SESTD1: variants seen among roughly 807,000 people sequenced by gnomAD.
The protein encoded by SESTD1 is SEC14 domain and spectrin repeat-containing protein 1.
Under a neutral mutation model 101.7 loss-of-function variants are expected in SESTD1, and 43 were observed. The ratio of observed to expected loss-of-function variants is 0.42; its 90% CI spans 0.33 to 0.55. The LOEUF (loss-of-function observed/expected upper bound fraction) is 0.55, where lower values mean the gene tolerates loss of function less well. Among genes scored for constraint, SESTD1 ranks in the 20% least tolerant of loss-of-function variants. The pLI, the probability that SESTD1 is intolerant of heterozygous loss-of-function variation, is 0.07. For missense variants in SESTD1, 647 were observed against 815.1 expected, an observed-to-expected ratio of 0.79 and a Z score of 2.51; for synonymous variants, 283 against 286.8, an observed-to-expected ratio of 0.99 and a Z score of 0.13.
At position 179,105,560 on chromosome 2, in the gene SESTD1, CAT is replaced by C. The variant is rs1315264196; in HGVS notation, c.*4337_*4338del. 2.0e-5 allele frequency: 3 copies of C among 152,026 alleles called. No individual in the cohort carries two copies. The East Asian group carries it at 5.8e-4, about 29-fold the overall frequency. 9.4% of individuals were successfully genotyped at this position (152,026 alleles called of 1,614,324 possible). On this transcript the variant is annotated 3_prime_UTR_variant, in exon 18 of 18. Coordinates refer to ENST00000428443, the MANE Select transcript of SESTD1 (RefSeq NM_178123.5). ...GGAACTAAGGGGGTGGGGCGGCGAA[CAT>C]AGGCAATATGCCATTTCCTCACCAT...
intron 1 of SESTD1, among the ~76,000 whole-genome samples, chr2:179,256,529 G>C (rs1403326065): frequency 6.6e-6 from 1 of 152,076 alleles, no homozygotes; most frequent in Non-Finnish European, 1.5e-5. Context: ...TTTAACAGAT[G>C]GGGCCGGGCA....
chr2:179,248,429 C>G (rs1412818164), intron 1 of SESTD1, among the ~76,000 whole-genome samples: 1 of 152,032 alleles, frequency 6.6e-6, no homozygotes, highest in East Asian at 1.9e-4. Context: ...TAGTATTACC[C>G]TGATGCCAAA....
chr2:179,252,056 T>G (rs769640101), intron 1 of SESTD1, among the ~76,000 whole-genome samples: 13 of 152,198 alleles, frequency 8.5e-5, no homozygotes, highest in Non-Finnish European at 1.6e-4. Flanking sequence ...GAGCAATAAT[T>G]TGCTTAAATG....
At chr2:179,205,595 C>T (rs2046580294) in intron 1 of SESTD1, among the ~76,000 whole-genome samples, 1 of 134,914 alleles carries the variant, frequency 7.4e-6, no homozygotes, top group South Asian at 2.8e-4. Context: ...CTTTATCCAA[C>T]CTTTCCTTTA....
intron 1 of SESTD1, among the ~76,000 whole-genome samples, chr2:179,219,911 C>T (rs1446265061): frequency 1.3e-5 from 2 of 152,026 alleles, no homozygotes; most frequent in African/African-American, 2.4e-5. Context: ...TAAAGTTTCA[C>T]CGAATAATAT....
chr2:179,253,238 A>AC (rs2047344281), intron 1 of SESTD1, among the ~76,000 whole-genome samples: 3 of 152,188 alleles, frequency 2.0e-5, no homozygotes, highest in South Asian at 2.1e-4. Flanking sequence ...AAACAAACAA[A>AC]AAAAAAACAC....
intron 9 of SESTD1, among the ~76,000 whole-genome samples, chr2:179,138,277 CTCTG>C (rs1271127607): frequency 6.6e-5 from 10 of 152,148 alleles, no homozygotes; most frequent in Non-Finnish European, 1.2e-4. Context: ...GCCTTTGCCC[CTCTG>C]TCTTTCTGTC....
At chr2:179,117,388 A>ATTC (rs2044656459) in intron 14 of SESTD1, 144 bp downstream of exon 14, 6 of 613,780 alleles carry the variant, frequency 9.8e-6, no homozygotes, top group Non-Finnish European at 1.6e-5. Flanking sequence ...ACCAAAGTGT[A>ATTC]TTCTTCAACA....
At chr2:179,189,537 T>C (rs904145910) in intron 2 of SESTD1, among the ~76,000 whole-genome samples, 1 of 152,132 alleles carries the variant, frequency 6.6e-6, no homozygotes, top group African/African-American at 2.4e-5. Flanking sequence ...CTCTCACCAC[T>C]TGTATTCAAC....
At chr2:179,116,890 T>C (rs571889970) in intron 14 of SESTD1, 100 bp from the exon 15 acceptor site, 1 of 1,442,038 alleles carries the variant, frequency 6.9e-7, no homozygotes, top group South Asian at 1.4e-5. Context: ...GATTAATAAA[T>C]CCGTTAATTA....
intron 1 of SESTD1, among the ~76,000 whole-genome samples, chr2:179,260,561 C>T (rs2047468824): frequency 6.6e-6 from 1 of 152,070 alleles, no homozygotes; most frequent in Non-Finnish European, 1.5e-5. Flanking sequence ...TCTCTCTCTG[C>T]CCCCACAGTT....
At chr2:179,212,170 G>T (rs2046659544) in intron 1 of SESTD1, among the ~76,000 whole-genome samples, 1 of 134,340 alleles carries the variant, frequency 7.4e-6, no homozygotes, top group Non-Finnish European at 1.6e-5. Context: ...AGCACATGGA[G>T]GGCAAGCCGA....
chr2:179,167,286 A>G (rs951673102), intron 5 of SESTD1, among the ~76,000 whole-genome samples: 2 of 152,190 alleles, frequency 1.3e-5, no homozygotes, highest in Admixed American at 6.5e-5. Context: ...CCAAGGAAAC[A>G]AAGAGTGAAC....
intron 1 of SESTD1, among the ~76,000 whole-genome samples, chr2:179,196,059 C>T (rs2046387140): frequency 6.6e-6 from 1 of 152,088 alleles, no homozygotes; most frequent in Non-Finnish European, 1.5e-5. Flanking sequence ...TTCATCTCAC[C>T]AGGGAAGGCC....
At position 179,103,583 on chromosome 2, in the gene SESTD1, T is replaced by C. The variant is rs1013430678; in HGVS notation, c.*6316A>G. On this transcript the variant is annotated 3_prime_UTR_variant, in exon 18 of 18. Transcript: ENST00000428443. ...AAGAAAACAAACTGTAATATTGTCA[T>C]ACAGTGGAATACTACTCAGCAATAA... 4 of 152,074 alleles carry C rather than the reference T, an allele frequency of 2.6e-5. No homozygotes were observed. The highest frequency in any genetic ancestry group is 5.9e-5 in the Non-Finnish European group (4 of 68,002). The allele number at this position is 152,074 out of a possible 1,614,324, so 9.4% of individuals were successfully genotyped here.
intron 12 of SESTD1, 46 bp from the exon 13 acceptor site, chr2:179,121,975 C>G (rs536810581): frequency 6.5e-7 from 1 of 1,538,372 alleles, no homozygotes; most frequent in Non-Finnish European, 8.7e-7. Flanking sequence ...AACTAAGGCG[C>G]TTTCCCTCCC....
rs776777776 is a variant in SESTD1 at position 179,112,712 on chromosome 2, C to G, written c.1961+12G>C. On this transcript the variant is annotated intron_variant, in intron 17 of 17. Transcript: ENST00000428443. ...CCAATAAAAAATAAAATTATAAGAA[C>G]ATGCCCCATACCCATCAGGATAAAC... 6.3e-7 allele frequency: 1 copy of G among 1,589,324 alleles called. No homozygotes were observed. Among genetic ancestry groups the G allele is most frequent in the East Asian group, 2.2e-5 (1 of 44,584 alleles).
intron 3 of SESTD1, among the ~76,000 whole-genome samples, chr2:179,177,366 T>C (rs1269890352): frequency 6.6e-6 from 1 of 152,166 alleles, no homozygotes; most frequent in African/African-American, 2.4e-5. Flanking sequence ...ATACAGTAAA[T>C]GGAACTACAG....
chr2:179,146,388 T>C lies in SESTD1; in HGVS notation c.637+14A>G. 6.3e-7 allele frequency: 1 copy of C among 1,599,270 alleles called. No individual in the cohort carries two copies. The highest frequency in any genetic ancestry group is 2.2e-5 in the East Asian group (1 of 44,650). ...TTTACTGGATTATTATCACAAATAT[T>C]TTTTAAATCTTACCTGTCTGAAGAA... On this transcript the variant is annotated intron_variant, in intron 8 of 17. Coordinates refer to ENST00000428443, the MANE Select transcript of SESTD1 (RefSeq NM_178123.5).
Sources: gnomAD v4.1 joint callset for allele counts (sites outside exome capture counted in the v4.1 genomes callset) on GRCh38, gnomAD v4.1.1 for gene constraint, MANE v1.5 for transcripts, NCBI Gene and HGNC (gene_info 2026-07-23, HGNC 2026-07-21) for gene names.